Variants in IL1RL2 observed in about 807,000 individuals in gnomAD.
IL1RL2 encodes interleukin-1 receptor-like 2.
In IL1RL2, 68 loss-of-function variants were observed where a neutral mutation model predicts 66.8. The ratio of observed to expected loss-of-function variants is 1.02; its 90% CI spans 0.84 to 1.25. IL1RL2 has a LOEUF of 1.25. IL1RL2 is among the 50% of genes most tolerant of loss of function. The pLI is 0.00. For missense variants in IL1RL2, 729 were observed against 709.3 expected (o/e 1.03, Z -0.32); for synonymous variants, 305 against 264.6 (o/e 1.15, Z -1.48).
chr2:102,187,499 T>C (rs1290219119), intron 1 of IL1RL2, among the ~76,000 whole-genome samples: 1 of 152,142 alleles, frequency 6.6e-6, no homozygotes, highest in East Asian at 1.9e-4. Flanking sequence ...GGCCGCAGGC[T>C]GCGCTGGGGG....
At chr2:102,186,998 C>T, upstream of IL1RL2, 3 of 1,289,222 alleles carry the variant, frequency 2.3e-6, no homozygotes, top group Non-Finnish European at 3.0e-6. Flanking sequence ...GGGGAAATAC[C>T]TAGGCATGGA....
chr2:102,241,409 G>C (rs2104918929), downstream of IL1RL2, among the ~76,000 whole-genome samples: 1 of 152,314 alleles, frequency 6.6e-6, no homozygotes, highest in South Asian at 2.1e-4. Flanking sequence ...GAGTATGCTA[G>C]CTAAATCCCT....
chr2:102,239,110 G>T (rs539477414), intron 11 of IL1RL2, 82 bp from the exon 12 acceptor site: 1 of 1,265,602 alleles, frequency 7.9e-7, no homozygotes, highest in Middle Eastern at 1.9e-4. Flanking sequence ...GGAGGTTTTC[G>T]CATTCCCATG....
intron 10 of IL1RL2, among the ~76,000 whole-genome samples, chr2:102,233,758 T>C (rs1346295416): frequency 6.6e-6 from 1 of 152,156 alleles, no homozygotes; most frequent in Non-Finnish European, 1.5e-5. Context: ...GTCCCCGGCA[T>C]GGAGCTCAGC....
At chr2:102,192,587 A>AAAAT (rs10651583) in intron 4 of IL1RL2, among the ~76,000 whole-genome samples, 8,082 of 152,216 alleles carry the variant, frequency 0.053, 580 homozygotes, top group African/African-American at 0.16. Flanking sequence ...CTAGCAAATA[A>AAAAT]AAATATATAG....
intron 8 of IL1RL2, among the ~76,000 whole-genome samples, chr2:102,224,201 G>A (rs544024298): frequency 6.6e-6 from 1 of 152,244 alleles, no homozygotes; most frequent in South Asian, 2.1e-4. Flanking sequence ...ATATGATCCA[G>A]CAATCCTACT....
intron 4 of IL1RL2, among the ~76,000 whole-genome samples, chr2:102,194,836 C>T (rs929814207): frequency 1.3e-5 from 2 of 152,070 alleles, no homozygotes; most frequent in African/African-American, 4.8e-5. Flanking sequence ...TAACCTTGAA[C>T]CCCTGGGCTC....
chr2:102,219,351 C>G (rs1922295), intron 7 of IL1RL2, among the ~76,000 whole-genome samples: 24 of 152,014 alleles, frequency 1.6e-4, no homozygotes, highest in Admixed American at 1.5e-3. Flanking sequence ...CTTAATGCCC[C>G]GGGCATACAA....
At chr2:102,231,670 C>T (rs1691147983) in intron 9 of IL1RL2, among the ~76,000 whole-genome samples, 1 of 152,030 alleles carries the variant, frequency 6.6e-6, no homozygotes, top group African/African-American at 2.4e-5. Context: ...AACTTCTGTG[C>T]ATGTGGATGG....
intron 9 of IL1RL2, among the ~76,000 whole-genome samples, chr2:102,228,315 C>A (rs778366953): frequency 6.6e-6 from 1 of 151,928 alleles, no homozygotes; most frequent in Non-Finnish European, 1.5e-5. Flanking sequence ...CAGGAAATAC[C>A]GATTAATGGA....
At chr2:102,213,246 A>G (rs2104807634) in intron 6 of IL1RL2, among the ~76,000 whole-genome samples, 1 of 152,344 alleles carries the variant, frequency 6.6e-6, no homozygotes, top group African/African-American at 2.4e-5. Flanking sequence ...GGAATATAGT[A>G]AAAGTAATGT....
chr2:102,233,783 C>T (rs1674567731), intron 10 of IL1RL2, among the ~76,000 whole-genome samples: 1 of 152,238 alleles, frequency 6.6e-6, no homozygotes, highest in South Asian at 2.1e-4. Context: ...TTTAGACACT[C>T]ACACAACAGT....
chr2:102,201,547 T>G lies in IL1RL2; in HGVS notation c.490-9T>G, dbSNP rs1688255215. 1 of 1,612,416 alleles carries G rather than the reference T, an allele frequency of 6.2e-7. No individual in the cohort carries two copies. The highest frequency in any genetic ancestry group is 8.5e-7 in the Non-Finnish European group (1 of 1,178,878). ...TCATTGAATTGAATTTTGTTTTTATTTGTATTAGGACTGTAACGAGATTAA... is the reference window on the plus strand; with the variant it reads ...TCATTGAATTGAATTTTGTTTTTATGTGTATTAGGACTGTAACGAGATTAA... On this transcript the variant is annotated splice_polypyrimidine_tract_variant and intron_variant, in intron 4 of 11. Transcript: ENST00000264257.
At chr2:102,219,771 G>A in intron 7 of IL1RL2, 110 bp from the exon 8 acceptor site, 2 of 1,042,288 alleles carry the variant, frequency 1.9e-6, no homozygotes, top group Admixed American at 4.6e-5. Context: ...AGGATAACAT[G>A]ATGGCCCAAA....
intron 9 of IL1RL2, among the ~76,000 whole-genome samples, chr2:102,226,374 C>T (rs1451402655): frequency 6.6e-6 from 1 of 152,168 alleles, no homozygotes; most frequent in Non-Finnish European, 1.5e-5. Context: ...AACCAAAGTG[C>T]TCTCCATCCA....
chr2:102,219,132 C>T, intron 7 of IL1RL2, 50 bp downstream of exon 7: 2 of 1,603,992 alleles, frequency 1.2e-6, no homozygotes, highest in Non-Finnish European at 1.7e-6. Context: ...AGGATTTCTC[C>T]ATCTAAGTGA....
At chr2:102,220,115 C>A in intron 8 of IL1RL2, 98 bp downstream of exon 8, 3 of 1,109,450 alleles carry the variant, frequency 2.7e-6, no homozygotes, top group Admixed American at 2.5e-5. Flanking sequence ...CAGTGTGAGG[C>A]ATGAGGGTGA....
chr2:102,191,827 T>C, intron 3 of IL1RL2, 98 bp from the exon 4 acceptor site: 1 of 826,330 alleles, frequency 1.2e-6, no homozygotes, highest in Non-Finnish European at 2.0e-6. Flanking sequence ...GTTTGCACAG[T>C]GCTGTGAAAA....
At chr2:102,230,613 G>C (rs563653862) in intron 9 of IL1RL2, among the ~76,000 whole-genome samples, 1 of 152,360 alleles carries the variant, frequency 6.6e-6, no homozygotes, top group East Asian at 1.9e-4. Context: ...GCTGAGGGCA[G>C]GGCAGGGAGC....
Sources: allele counts gnomAD v4.1 joint callset (sites outside exome capture counted in the v4.1 genomes callset), GRCh38; gene constraint gnomAD v4.1.1; transcripts MANE v1.5; gene names NCBI Gene and HGNC (gene_info 2026-07-23, HGNC 2026-07-21).